Variants in DAB1 observed in about 807,000 individuals in gnomAD.
The protein encoded by DAB1 is DAB adaptor protein 1, also known as disabled homolog 1.
In DAB1, 15 loss-of-function variants were observed where a neutral mutation model predicts 64.6. The observed-to-expected ratio is 0.23, with a 90% CI of 0.16 to 0.36. The LOEUF (loss-of-function observed/expected upper bound fraction) is 0.36. Ranked by LOEUF, DAB1 falls within the 10% of genes least tolerant of loss-of-function variation. The probability of loss-of-function intolerance (pLI) is 1.00; values close to 1 mark genes in which losing one functional copy is unlikely to be tolerated. For missense variants in DAB1, 596 were observed against 706.7 expected (o/e 0.84, Z 1.78); for synonymous variants, 235 against 251.9 (o/e 0.93, Z 0.64).
chr1:57,682,721 A>G (rs1277707593), intron 6 of DAB1, among the ~76,000 whole-genome samples: 1 of 152,092 alleles, frequency 6.6e-6, no homozygotes, highest in African/African-American at 2.4e-5. Context: ...GCCAGGGTGT[A>G]TGTAGCCCAG....
chr1:58,412,843 T>C (rs1228468817), intron 3 of DAB1, among the ~76,000 whole-genome samples: 1 of 152,260 alleles, frequency 6.6e-6, no homozygotes, highest in Non-Finnish European at 1.5e-5. Flanking sequence ...ACTCAGTTTC[T>C]ATACTTCTTT....
At chr1:57,486,985 A>G (rs1448873079) in intron 7 of DAB1, among the ~76,000 whole-genome samples, 2 of 152,052 alleles carry the variant, frequency 1.3e-5, no homozygotes, top group East Asian at 3.9e-4. Context: ...AAAAACAACG[A>G]CCTCGGCATA....
intron 4 of DAB1, among the ~76,000 whole-genome samples, chr1:57,108,136 A>G (rs573893437): frequency 6.6e-6 from 1 of 152,230 alleles, no homozygotes; most frequent in South Asian, 2.1e-4. Context: ...AGCCTCTCCA[A>G]TCAAGGCTGT....
intron 1 of DAB1, chr1:57,878,851 G>A (rs2101967377): frequency 6.6e-6 from 1 of 152,136 alleles, no homozygotes; most frequent in South Asian, 2.1e-4. Context: ...CCAGCCGCTA[G>A]TAACCACAGT....
intron 2 of DAB1, among the ~76,000 whole-genome samples, chr1:57,270,479 G>A (rs1255529122): frequency 6.6e-6 from 1 of 152,152 alleles, no homozygotes; most frequent in Non-Finnish European, 1.5e-5. Context: ...ACCATAAGAG[G>A]CATTGGTCTT....
intron 5 of DAB1, among the ~76,000 whole-genome samples, chr1:58,092,587 G>C (rs1408674816): frequency 6.6e-6 from 1 of 152,106 alleles, no homozygotes; most frequent in Non-Finnish European, 1.5e-5. Context: ...TCCTTTCATG[G>C]GCCAGGATTG....
At chr1:57,609,606 T>C (rs1190463101) in intron 7 of DAB1, among the ~76,000 whole-genome samples, 2 of 152,206 alleles carry the variant, frequency 1.3e-5, no homozygotes, top group Non-Finnish European at 2.9e-5. Context: ...GCCACATAAA[T>C]GGATCCCGGT....
At chr1:57,555,838 G>A (rs1002181271) in intron 7 of DAB1, among the ~76,000 whole-genome samples, 3 of 152,146 alleles carry the variant, frequency 2.0e-5, no homozygotes, top group African/African-American at 7.2e-5. Flanking sequence ...TATGTGTTGG[G>A]AAACATGATA....
chr1:57,944,173 C>T (rs1209973471), intron 5 of DAB1, among the ~76,000 whole-genome samples: 4 of 152,208 alleles, frequency 2.6e-5, no homozygotes, highest in Admixed American at 2.6e-4. Context: ...AGCCATCCCA[C>T]ATACTCAACA....
intron 4 of DAB1, among the ~76,000 whole-genome samples, chr1:58,294,613 AT>A (rs1447736055): frequency 6.6e-6 from 1 of 152,160 alleles, no homozygotes; most frequent in Non-Finnish European, 1.5e-5. Flanking sequence ...CATGGAAAAC[AT>A]AAATCCAATT....
rs1269791527 is a variant in DAB1, at chr1:58,128,462, T to G, written n.387+22049A>C. Among the ~76,000 whole-genome samples, 8 of 129,986 alleles carry G rather than the reference T, an allele frequency of 6.2e-5. 3 individuals are homozygous for G. Among genetic ancestry groups the G allele is most frequent in the African/African-American group, 2.5e-4 (8 of 32,608 alleles). 85.3% of individuals were successfully genotyped at this position (129,986 alleles called of 152,430 possible). ...TGAATACCCTTTATTTCCTTCTGCC[T>G]AATTGCCCTGGCCAGAACGTCCAAC... On this transcript the variant is annotated intron_variant and non_coding_transcript_variant, in intron 5 of 20. Transcript: ENST00000485760.
intron 3 of DAB1, among the ~76,000 whole-genome samples, chr1:58,428,613 T>A (rs1011417203): frequency 1.3e-5 from 2 of 152,216 alleles, no homozygotes; most frequent in African/African-American, 4.8e-5. Flanking sequence ...GTGATAATGG[T>A]ATGTGATTAT....
chr1:58,265,281 A>C (rs1661134562), intron 4 of DAB1, among the ~76,000 whole-genome samples: 1 of 152,224 alleles, frequency 6.6e-6, no homozygotes, highest in African/African-American at 2.4e-5. Context: ...ATTCAATCCC[A>C]GATTGGTCTA....
intron 1 of DAB1, among the ~76,000 whole-genome samples, chr1:57,315,943 C>T (rs1294776181): frequency 6.6e-6 from 1 of 152,248 alleles, no homozygotes; most frequent in Non-Finnish European, 1.5e-5. Context: ...TAAGTGTCTA[C>T]AATATGGCAA....
intron 1 of DAB1, among the ~76,000 whole-genome samples, chr1:57,401,929 C>A (rs1683274064): frequency 6.6e-6 from 1 of 152,102 alleles, no homozygotes; most frequent in South Asian, 2.1e-4. Flanking sequence ...GAGAACCTCT[C>A]TATGATTCCA....
In DAB1 at chr1:58,180,281, C is replaced by CTTTTTTTTTTTTTTT. The variant is rs869204611; in HGVS notation, n.310-29708_310-29694dup. 1.2e-3 allele frequency among the ~76,000 whole-genome samples: 72 copies of CTTTTTTTTTTTTTTT among 61,038 alleles called. 5 individuals carry two copies. Among genetic ancestry groups the CTTTTTTTTTTTTTTT allele is most frequent in the African/African-American group, 2.8e-3 (39 of 14,094 alleles). The allele number at this position is 61,038 out of a possible 152,430, so 40.0% of individuals were successfully genotyped here. A position where few individuals can be genotyped will look rare whatever the true frequency, so the allele number is the denominator to read the frequency against. On this transcript the variant is annotated intron_variant and non_coding_transcript_variant, in intron 4 of 20. Transcript: ENST00000485760. ...CTTTCTTTTTTCTTTTTTTTCTTTT[C>CTTTTTTTTTTTTTTT]TTTTTTTTTTTTTTTTTTTTTTTTT...
chr1:57,390,673 T>C (rs1161487950), intron 1 of DAB1, among the ~76,000 whole-genome samples: 1 of 152,204 alleles, frequency 6.6e-6, no homozygotes, highest in Non-Finnish European at 1.5e-5. Context: ...TTCAGCTTCC[T>C]CCAAGGACAA....
At chr1:57,115,060 C>T (rs978664706) in intron 4 of DAB1, among the ~76,000 whole-genome samples, 1 of 152,172 alleles carries the variant, frequency 6.6e-6, no homozygotes, top group Admixed American at 6.5e-5. Flanking sequence ...GTGCCAGCAC[C>T]TGCCCAGTCC....
chr1:57,262,853 C>G (rs777707431), intron 2 of DAB1, among the ~76,000 whole-genome samples: 19 of 152,162 alleles, frequency 1.2e-4, no homozygotes, highest in Non-Finnish European at 2.8e-4. Context: ...GCCCCGTGCC[C>G]TAAGGGTACT....
Sources: gnomAD v4.1 joint callset for allele counts (sites outside exome capture counted in the v4.1 genomes callset) on GRCh38, gnomAD v4.1.1 for gene constraint, MANE v1.5 for transcripts, NCBI Gene and HGNC (gene_info 2026-07-23, HGNC 2026-07-21) for gene names.